The following OSBP2 variants were observed in gnomAD, a reference collection of about 807,000 sequenced individuals.
OSBP2 encodes the protein oxysterol-binding protein 2.
A neutral mutation model predicts 96.0 loss-of-function variants in OSBP2; 66 were observed. That is an observed-to-expected ratio of 0.69 (90% CI 0.56 to 0.84). The LOEUF (loss-of-function observed/expected upper bound fraction) is 0.84, where lower values mean the gene tolerates loss of function less well. OSBP2 is among the 40% of genes least tolerant of loss of function. OSBP2 has a pLI of 0.00. For missense variants in OSBP2, 1,038 were observed against 1,222.7 expected (o/e 0.85, Z 2.25); for synonymous variants, 525 against 520.9 (o/e 1.01, Z -0.11).
At chr22:30,798,767 C>T (rs2090802110) in intron 2 of OSBP2, among the ~76,000 whole-genome samples, 1 of 152,076 alleles carries the variant, frequency 6.6e-6, no homozygotes, top group Non-Finnish European at 1.5e-5. Context: ...AATCCCAGCA[C>T]TTTGGGAGGC....
chr22:30,721,546 G>A (rs2089552669), intron 1 of OSBP2, among the ~76,000 whole-genome samples: 1 of 152,158 alleles, frequency 6.6e-6, no homozygotes, highest in African/African-American at 2.4e-5. Flanking sequence ...GGGGTCTTTG[G>A]TTCTGCAGGC....
intron 2 of OSBP2, among the ~76,000 whole-genome samples, chr22:30,750,397 C>G (rs1007352825): frequency 5.9e-5 from 9 of 152,154 alleles, no homozygotes; most frequent in African/African-American, 2.2e-4. Flanking sequence ...GCAACCAATT[C>G]CATTCATGCT....
chr22:30,832,914 A>G (rs951749891), intron 2 of OSBP2, among the ~76,000 whole-genome samples: 2 of 152,230 alleles, frequency 1.3e-5, no homozygotes, highest in African/African-American at 4.8e-5. Context: ...TGTGAATTGC[A>G]TAGAGTTTAA....
At chr22:30,824,804 G>A (rs136221) in intron 2 of OSBP2, among the ~76,000 whole-genome samples, 51,823 of 152,058 alleles carry the variant, frequency 0.34, 9,004 homozygotes, top group Middle Eastern at 0.48. Context: ...TGCCTGCTCC[G>A]GGATGCCGAG....
intron 2 of OSBP2, among the ~76,000 whole-genome samples, chr22:30,778,686 A>G (rs148789636): frequency 2.5e-4 from 38 of 152,212 alleles, no homozygotes; most frequent in African/African-American, 9.1e-4. Context: ...GTGCCTCCCC[A>G]GGAAGGCAAA....
At chr22:30,832,362 C>A (rs2038541398) in intron 2 of OSBP2, among the ~76,000 whole-genome samples, 1 of 151,480 alleles carries the variant, frequency 6.6e-6, no homozygotes, top group Admixed American at 6.6e-5. Context: ...ATGATCATGG[C>A]TCACTGCAGC....
chr22:30,772,626 G>C (rs987686888), intron 2 of OSBP2, among the ~76,000 whole-genome samples: 6 of 152,278 alleles, frequency 3.9e-5, no homozygotes, highest in Middle Eastern at 3.4e-3. Flanking sequence ...CCTGGGACTG[G>C]TTAGGCCTGG....
intron 1 of OSBP2, among the ~76,000 whole-genome samples, chr22:30,715,928 G>T (rs2089446507): frequency 6.7e-6 from 1 of 149,132 alleles, no homozygotes; most frequent in African/African-American, 2.5e-5. Context: ...CTGGGCTCAA[G>T]TGATCCTCCC....
intron 2 of OSBP2, among the ~76,000 whole-genome samples, chr22:30,750,555 T>C (rs1333982552): frequency 6.6e-6 from 1 of 152,196 alleles, no homozygotes; most frequent in East Asian, 1.9e-4. Flanking sequence ...GAAGTGGGAA[T>C]AGGACATGCC....
chr22:30,854,647 A>G (rs1245877747), intron 2 of OSBP2, among the ~76,000 whole-genome samples: 1 of 151,988 alleles, frequency 6.6e-6, no homozygotes, highest in Non-Finnish European at 1.5e-5. Context: ...AGTGAAAAAA[A>G]AAAAAAAAGC....
At chr22:30,850,113 G>A (rs1028703667) in intron 2 of OSBP2, among the ~76,000 whole-genome samples, 1 of 151,930 alleles carries the variant, frequency 6.6e-6, no homozygotes, top group Non-Finnish European at 1.5e-5. Context: ...GTCCAGCCTG[G>A]CCAACATGGT....
chr22:30,756,663 A>G (rs1210464249), intron 2 of OSBP2, among the ~76,000 whole-genome samples: 2 of 152,190 alleles, frequency 1.3e-5, no homozygotes, highest in Non-Finnish European at 2.9e-5. Context: ...GCTGCACTCC[A>G]GCTTGGACGA....
chr22:30,893,859 G>A lies in OSBP2; in HGVS notation c.2233G>A (p.Val745Met), dbSNP rs757746296. Residue 745 changes from valine to methionine, a missense_variant, in exon 12 of 14, where the codon GTG (valine) becomes ATG (methionine). Physicochemically the swap from Val to Met is conservative, Grantham distance 21. Around this residue, in one of 3 missense-constraint regions of OSBP2, gnomAD observed 737 missense variants for 913.3 expected, o/e 0.81. Coordinates refer to ENST00000332585, the MANE Select transcript of OSBP2 (RefSeq NM_030758.4). ...VSDSQGKAHY[V>M]LSGSWDEQME... ...TGACAGCCAGGGCAAGGCCCATTAC[G>A]TGCTGTCCGGCTCGTGGGATGAACA... 14 of 1,585,104 alleles carry A rather than the reference G, an allele frequency of 8.8e-6. No homozygotes were observed. Among genetic ancestry groups the A allele is most frequent in the Middle Eastern group, 1.7e-4 (1 of 6,056 alleles).
intron 2 of OSBP2, among the ~76,000 whole-genome samples, chr22:30,858,062 C>T (rs554995683): frequency 5.9e-5 from 9 of 151,578 alleles, no homozygotes; most frequent in African/African-American, 1.2e-4. Context: ...AGCTAGGCCT[C>T]GCCAAGGGGG....
intron 1 of OSBP2, among the ~76,000 whole-genome samples, chr22:30,728,191 T>G (rs923358778): frequency 6.6e-6 from 1 of 151,692 alleles, no homozygotes; most frequent in South Asian, 2.1e-4. Context: ...GGTCAGGAGA[T>G]AGAGACCATC....
At position 30,893,202 on chromosome 22, in the gene OSBP2, C is replaced by T. The variant is rs1319964383; in HGVS notation, c.1950C>T (p.Ser650=). ...GCCTCTGGCAGGAGATCACCATCTC[C>T]AGCAAGTTCCGGGGAAAATACATCT... ...GWSLWQEITI[S]SKFRGKYISI... Residue 650 remains serine (S), a synonymous_variant, in exon 9 of 14, where the codon TCC becomes TCT. Coordinates refer to ENST00000332585, the MANE Select transcript of OSBP2 (RefSeq NM_030758.4). The T allele has an allele frequency of 2.5e-6, 4 of 1,614,150 alleles. No individual in the cohort carries two copies. In the Admixed American group the frequency reaches 5.0e-5, roughly 20 times the overall value.
intron 1 of OSBP2, among the ~76,000 whole-genome samples, chr22:30,704,426 C>A (rs2089214430): frequency 6.6e-6 from 1 of 152,122 alleles, no homozygotes; most frequent in Non-Finnish European, 1.5e-5. Flanking sequence ...TCCTTAGAGA[C>A]TCAGAGCCCA....
intron 3 of OSBP2, among the ~76,000 whole-genome samples, chr22:30,886,650 G>A (rs1378464612): frequency 2.0e-5 from 3 of 152,160 alleles, no homozygotes; most frequent in South Asian, 4.1e-4. Context: ...TCCTTGACTC[G>A]TAATGTTATG....
intron 2 of OSBP2, among the ~76,000 whole-genome samples, chr22:30,827,714 C>G (rs967352198): frequency 2.6e-5 from 4 of 152,174 alleles, no homozygotes; most frequent in Non-Finnish European, 2.9e-5. Context: ...TCCTTGGAGC[C>G]AAATGAGACC....
Sources: allele counts gnomAD v4.1 joint callset (sites outside exome capture counted in the v4.1 genomes callset), GRCh38; gene constraint gnomAD v4.1.1; regional missense constraint gnomAD v4.1.1; transcripts MANE v1.5; gene names NCBI Gene and HGNC (gene_info 2026-07-23, HGNC 2026-07-21).